The following TBL3 variants were observed in gnomAD, a reference collection of about 807,000 sequenced individuals.
TBL3 encodes the protein transducin beta like 3.
Under a neutral mutation model 102.7 loss-of-function variants are expected in TBL3, and 71 were observed. The observed-to-expected ratio is 0.69, with a 90% CI of 0.57 to 0.84. The LOEUF (loss-of-function observed/expected upper bound fraction) is 0.84. Among genes scored for constraint, TBL3 ranks in the 40% least tolerant of loss-of-function variants. The pLI is 0.00. For missense variants in TBL3, 1,188 were observed against 1,098.5 expected (o/e 1.08, Z -1.15); for synonymous variants, 578 against 477.7 (o/e 1.21, Z -2.74).
rs1192738469 is a variant in TBL3, at chr16:1,978,057, C to T, written c.2058C>T (p.Ile686=). ...GGCCCCACACCGTGCTGACTGTCAT[C>T]CAGGGTCAGTGCCCACCCCGGGGGG... ...LDRPHTVLTV[I]QAIRRDPEAC... is the part of the protein sequence containing the mutation. Residue 686 remains isoleucine, a synonymous_variant, in exon 19 of 22, where the codon ATC becomes ATT. Transcript: ENST00000568546. 1.2e-6 allele frequency: 2 copies of T among 1,604,410 alleles called. No homozygotes were observed. Among genetic ancestry groups the T allele is most frequent in the Non-Finnish European group, 1.7e-6 (2 of 1,174,856 alleles).
rs766173200 is a variant in TBL3, at chr16:1,974,843, G to A, written c.460G>A (p.Val154Met). Residue 154 changes from valine (V) to methionine (M), a missense_variant, in exon 6 of 22, where the codon GTG becomes ATG. Transcript: ENST00000568546. Reference sequence around the variant, plus strand: ...CCACTTCCGAGGCTCGCCCGGTGTCGTGCAGTGAGTTGGAAGGTGGAGGGG... The same window carrying A: ...CCACTTCCGAGGCTCGCCCGGTGTCATGCAGTGAGTTGGAAGGTGGAGGGG... ...THHFRGSPGV[V>M]HLVAFHPDPT... 9.3e-6 allele frequency: 15 copies of A among 1,613,018 alleles called. No individual in the cohort carries two copies. The highest frequency in any genetic ancestry group is 1.6e-4 in the Middle Eastern group (1 of 6,066).
In TBL3 at chr16:1,981,170, G is replaced by A; in HGVS notation, c.*2485G>A. 1 of 1,613,612 alleles carries A rather than the reference G, an allele frequency of 6.2e-7. No homozygotes were observed. Among genetic ancestry groups the A allele is most frequent in the Non-Finnish European group, 8.5e-7 (1 of 1,180,012 alleles). On this transcript the variant is annotated 3_prime_UTR_variant, in exon 22 of 22. Coordinates refer to ENST00000568546, the MANE Select transcript of TBL3 (RefSeq NM_006453.3). ...CCTTGCACTGAAACTGGGTATCGGGGGCCTGCCATGGCTGTGGCTTCCAGG... is the reference window on the plus strand; with the variant it reads ...CCTTGCACTGAAACTGGGTATCGGGAGCCTGCCATGGCTGTGGCTTCCAGG...
Position 1,979,899 on chromosome 16 carries a change from C to T in TBL3, c.*1214C>T, listed in dbSNP as rs1288785354. Reference sequence around the variant, plus strand: ...GCCGGTCTTCGTTCTCCACCAGCCACCAGCCTGTGCGCAAGAAGCGGGCAG... The same window carrying T: ...GCCGGTCTTCGTTCTCCACCAGCCATCAGCCTGTGCGCAAGAAGCGGGCAG... On this transcript the variant is annotated 3_prime_UTR_variant, in exon 22 of 22. Transcript: ENST00000568546. 4 of 1,582,958 alleles carry T rather than the reference C, an allele frequency of 2.5e-6. No individual in the cohort carries two copies. The highest frequency in any genetic ancestry group is 3.4e-6 in the Non-Finnish European group (4 of 1,165,296).
Position 1,977,114 on chromosome 16 carries a change from C to T in TBL3, c.1501C>T (p.Arg501Cys), listed in dbSNP as rs148957818. ...DKLLATGSQD[R>C]TAKLWALPQC... Reference sequence around the variant, plus strand: ...GCTGCTGGCCACAGGCTCACAGGACCGCACGGCCAAGCTCTGGGCCCTGCC... The same window carrying T: ...GCTGCTGGCCACAGGCTCACAGGACTGCACGGCCAAGCTCTGGGCCCTGCC... Residue 501 changes from arginine to cysteine, a missense_variant, in exon 15 of 22, where the codon CGC becomes TGC. Coordinates refer to ENST00000568546, the MANE Select transcript of TBL3 (RefSeq NM_006453.3). The T allele has an allele frequency of 2.2e-4, 351 of 1,613,076 alleles. No homozygotes were observed. The highest frequency in any genetic ancestry group is 2.7e-4 in the Non-Finnish European group (313 of 1,180,004).
chr16:1,972,306 C>G (rs1165967183), intron 1 of TBL3, 101 bp downstream of exon 1: 28 of 1,205,802 alleles, frequency 2.3e-5, no homozygotes. Context: ...TCCGTGGAGG[C>G]GAGAGGCTGT....
intron 13 of TBL3, among the ~76,000 whole-genome samples, chr16:1,976,601 T>A (rs1185005795): frequency 6.6e-6 from 1 of 152,078 alleles, no homozygotes; most frequent in Non-Finnish European, 1.5e-5. Context: ...AGGCACAGGG[T>A]CCTGTGGCTA....
In TBL3 at chr16:1,975,615, T is replaced by C; in HGVS notation, c.892T>C (p.Cys298Arg). 1 of 1,602,750 alleles carries C rather than the reference T, an allele frequency of 6.2e-7. No homozygotes were observed. Among genetic ancestry groups the C allele is most frequent in the South Asian group, 1.1e-5 (1 of 91,042 alleles). The change falls in exon 10 of 22, where the codon TGC becomes CGC. Residue 298 changes from cysteine to arginine, a missense_variant. Transcript: ENST00000568546. ...GGGCCCTGGGCAGGAGCTGACCCAC[T>C]GCACCCTGGCACACACCGCCGGCGT... ...PPGPGQELTH[C>R]TLAHTAGVVL...
rs781589318 is a variant in TBL3 at position 1,977,226 on chromosome 16, C to T, written c.1613C>T (p.Thr538Met). 5.6e-6 allele frequency: 9 copies of T among 1,613,068 alleles called. No individual in the cohort carries two copies. Among genetic ancestry groups the T allele is most frequent in the Admixed American group, 1.7e-5 (1 of 59,992 alleles). Reference sequence around the variant, plus strand: ...TCTCCCATGGACCAGGTGCTGGCCACGGCCTCAGCTGATGGCACCATCAAG... The same window carrying T: ...TCTCCCATGGACCAGGTGCTGGCCATGGCCTCAGCTGATGGCACCATCAAG... The part of the protein sequence containing the change: ...QFSPMDQVLA[T>M]ASADGTIKLW... The change falls in exon 15 of 22, where the codon ACG (threonine) becomes ATG (methionine). Residue 538 changes from threonine (T) to methionine (M), a missense_variant. Thr to Met is a moderately conservative substitution (Grantham distance 81). Coordinates refer to ENST00000568546, the MANE Select transcript of TBL3 (RefSeq NM_006453.3).
At chr16:1,975,470 G>C in intron 9 of TBL3, 32 bp downstream of exon 9, 1 of 1,609,594 alleles carries the variant, frequency 6.2e-7, no homozygotes, top group South Asian at 1.1e-5. Flanking sequence ...GCAGGCGGTA[G>C]GGGCTGGGGA....
Position 1,981,260 on chromosome 16 carries a change from C to A in TBL3, c.*2575C>A. The A allele has an allele frequency of 1.9e-6, 3 of 1,583,966 alleles. No homozygotes were observed. In the Admixed American group the frequency reaches 5.3e-5, roughly 28 times the overall value. On this transcript the variant is annotated 3_prime_UTR_variant, in exon 22 of 22. Transcript: ENST00000568546. ...CCGTGCTTGAGAGGGCTCTGGGGGA[C>A]CCAGAAAACCCCCTGGGATAGAATC...
At position 1,980,342 on chromosome 16, in the gene TBL3, T is replaced by TG; in HGVS notation, c.*1660dup. 2.5e-6 allele frequency: 4 copies of TG among 1,591,482 alleles called. No individual in the cohort carries two copies. The highest frequency in any genetic ancestry group is 1.3e-5 in the African/African-American group (1 of 74,752). On this transcript the variant is annotated 3_prime_UTR_variant, in exon 22 of 22. Transcript: ENST00000568546. ...CCCAGCTCCAAACGCCGCTGCATGC[T>TG]GGGAGTTTGGGGCGAGTCAGGCACC...
chr16:1,975,149 G>A, intron 7 of TBL3, 38 bp from the exon 8 acceptor site: 15 of 1,613,634 alleles, frequency 9.3e-6, no homozygotes, highest in Non-Finnish European at 1.3e-5. Context: ...TGGGGGCTGA[G>A]GCTAAGACTT....
chr16:1,978,880 A>T lies in TBL3; in HGVS notation c.*195A>T. ...CATCCCGCACCCTGGCCTGGCAGAGATCCAGCCCGCGGCTCCGCACGCTTA... is the reference window on the plus strand; with the variant it reads ...CATCCCGCACCCTGGCCTGGCAGAGTTCCAGCCCGCGGCTCCGCACGCTTA... On this transcript the variant is annotated 3_prime_UTR_variant, in exon 22 of 22. Transcript: ENST00000568546. The T allele has an allele frequency of 9.3e-7, 1 of 1,069,652 alleles. No individual in the cohort carries two copies. Among genetic ancestry groups the T allele is most frequent in the Non-Finnish European group, 1.3e-6 (1 of 755,166 alleles). The allele number at this position is 1,069,652 out of a possible 1,614,324, so 66.3% of individuals were successfully genotyped here. A position where few individuals can be genotyped will look rare whatever the true frequency, so the allele number is the denominator to read the frequency against.
In TBL3 at chr16:1,978,767, G is replaced by C. The variant is rs1323182702; in HGVS notation, c.*82G>C. ...TCTCCTGGCCGGCTCTGTCTCTCTG[G>C]ACTGCAGTCCAGCCCCCCACCCTGG... On this transcript the variant is annotated 3_prime_UTR_variant, in exon 22 of 22. Transcript: ENST00000568546. The C allele has an allele frequency of 6.5e-7, 1 of 1,526,760 alleles. No homozygotes were observed. The highest frequency in any genetic ancestry group is 8.9e-7 in the Non-Finnish European group (1 of 1,126,546). 94.6% of individuals were successfully genotyped at this position (1,526,760 alleles called of 1,614,324 possible).
In TBL3 at chr16:1,979,637, C is replaced by T; in HGVS notation, c.*952C>T. On this transcript the variant is annotated 3_prime_UTR_variant, in exon 22 of 22. Coordinates refer to ENST00000568546, the MANE Select transcript of TBL3 (RefSeq NM_006453.3). ...CATTCTCCTTGCTTGAGTCTGCTGA[C>T]GGCGGGGCCGCTCTAAGACCGGTTC... is the stretch of plus-strand genomic sequence containing the variant. 3.1e-6 allele frequency: 4 copies of T among 1,303,748 alleles called. No homozygotes were observed. In the South Asian group the frequency reaches 4.1e-5, roughly 13 times the overall value. 80.8% of individuals were successfully genotyped at this position (1,303,748 alleles called of 1,614,324 possible). A position where few individuals can be genotyped will look rare whatever the true frequency, so the allele number is the denominator to read the frequency against.
chr16:1,972,424 A>T (rs1192320043), intron 1 of TBL3, among the ~76,000 whole-genome samples: 2 of 152,222 alleles, frequency 1.3e-5, no homozygotes, highest in African/African-American at 2.4e-5. Flanking sequence ...CGCCGGGAGC[A>T]GCAGCGTGGG....
At chr16:1,974,703 G>A (rs746957244) in intron 5 of TBL3, 24 bp downstream of exon 5, 1 of 1,611,648 alleles carries the variant, frequency 6.2e-7, no homozygotes, top group East Asian at 2.2e-5. Context: ...GTGCAGGTGG[G>A]TCGTGGGCAC....
chr16:1,980,619 A>G lies in TBL3; in HGVS notation c.*1934A>G. The G allele has an allele frequency of 6.3e-7, 1 of 1,593,132 alleles. No individual in the cohort carries two copies. Among genetic ancestry groups the G allele is most frequent in the Non-Finnish European group, 8.6e-7 (1 of 1,168,624 alleles). ...GGTCCCTGGCGCCCCCAGGCAAGCC[A>G]CCGCCTTCCCCGCTCCCGTACCCAG... On this transcript the variant is annotated 3_prime_UTR_variant, in exon 22 of 22. Coordinates refer to ENST00000568546, the MANE Select transcript of TBL3 (RefSeq NM_006453.3).
In TBL3 at chr16:1,980,647, T is replaced by G; in HGVS notation, c.*1962T>G. 6.2e-7 allele frequency: 1 copy of G among 1,603,826 alleles called. No homozygotes were observed. On this transcript the variant is annotated 3_prime_UTR_variant, in exon 22 of 22. Transcript: ENST00000568546. ...GCCTTCCCCGCTCCCGTACCCAGGC[T>G]GGCCTGACCGAGAAGCTTTGGGAGA...
Sources: allele counts gnomAD v4.1 joint callset (sites outside exome capture counted in the v4.1 genomes callset), GRCh38; gene constraint gnomAD v4.1.1; transcripts MANE v1.5; gene names NCBI Gene and HGNC (gene_info 2026-07-23, HGNC 2026-07-21).